SYNPR: variants seen among roughly 807,000 people sequenced by gnomAD.
SYNPR encodes the protein synaptoporin.
SYNPR carries 23 observed loss-of-function variants against 32.9 expected under a neutral mutation model. That is an observed-to-expected ratio of 0.70 (90% CI 0.50 to 0.99). The LOEUF (loss-of-function observed/expected upper bound fraction) is 0.99, where lower values mean the gene tolerates loss of function less well. Among genes scored for constraint, SYNPR ranks in the 50% least tolerant of loss-of-function variants. SYNPR has a pLI of 0.00. For synonymous variants in SYNPR, 146 were observed against 135.9 expected (o/e 1.07, Z -0.52); for missense variants, 318 against 349.3 (o/e 0.91, Z 0.71).
chr3:63,526,014 T>C (rs1170895650), intron 3 of SYNPR, among the ~76,000 whole-genome samples: 1 of 152,066 alleles, frequency 6.6e-6, no homozygotes, highest in Non-Finnish European at 1.5e-5. Flanking sequence ...CCAGTGTGCT[T>C]AGAGAGCACA....
chr3:63,365,503 T>C (rs566976812), intron 2 of SYNPR, among the ~76,000 whole-genome samples: 4 of 152,230 alleles, frequency 2.6e-5, no homozygotes, highest in Admixed American at 1.3e-4. Flanking sequence ...ATTTTAAATT[T>C]GGTTAATTAG....
At chr3:63,536,072 C>T (rs1045263585) in intron 3 of SYNPR, among the ~76,000 whole-genome samples, 1 of 151,824 alleles carries the variant, frequency 6.6e-6, no homozygotes, top group South Asian at 2.1e-4. Flanking sequence ...TCGAGACCAG[C>T]CTGCTCAACA....
At chr3:63,401,738 T>C (rs527895476) in intron 2 of SYNPR, among the ~76,000 whole-genome samples, 1 of 152,210 alleles carries the variant, frequency 6.6e-6, no homozygotes, top group East Asian at 1.9e-4. Flanking sequence ...GTATTCTTGA[T>C]GGACATCACT....
At chr3:63,530,684 G>T (rs1021273092) in intron 3 of SYNPR, among the ~76,000 whole-genome samples, 2 of 152,034 alleles carry the variant, frequency 1.3e-5, no homozygotes, top group Non-Finnish European at 2.9e-5. Context: ...CTCTGCGGTG[G>T]GCACTAATGG....
intron 2 of SYNPR, among the ~76,000 whole-genome samples, chr3:63,259,908 C>G (rs530536752): frequency 6.6e-6 from 1 of 152,312 alleles, no homozygotes; most frequent in Admixed American, 6.5e-5. Context: ...GTGAAAATCA[C>G]AAGCATTCTT....
At chr3:63,369,893 A>G (rs1252454473) in intron 2 of SYNPR, among the ~76,000 whole-genome samples, 1 of 152,184 alleles carries the variant, frequency 6.6e-6, no homozygotes, top group Non-Finnish European at 1.5e-5. Context: ...GACTAAGAAG[A>G]ATTTTCTTCC....
intron 3 of SYNPR, among the ~76,000 whole-genome samples, chr3:63,516,666 G>C (rs901070491): frequency 6.6e-6 from 1 of 152,044 alleles, no homozygotes; most frequent in Non-Finnish European, 1.5e-5. Flanking sequence ...TTCTCTATTT[G>C]ACACCAAAGA....
At chr3:63,281,880 T>C (rs570861090) in intron 2 of SYNPR, among the ~76,000 whole-genome samples, 6 of 152,338 alleles carry the variant, frequency 3.9e-5, no homozygotes, top group Admixed American at 2.6e-4. Flanking sequence ...AATATTATAT[T>C]GCCATCAAAA....
chr3:63,239,250 AT>A lies in SYNPR; in HGVS notation n.66+10871del, dbSNP rs147877668. 9.1e-3 allele frequency among the ~76,000 whole-genome samples: 1,067 copies of A among 117,360 alleles called. 6 individuals carry two copies. Among genetic ancestry groups the A allele is most frequent in the Non-Finnish European group, 0.015 (782 of 53,284 alleles). The allele number at this position is 117,360 out of a possible 152,430, so 77.0% of individuals were successfully genotyped here. On this transcript the variant is annotated intron_variant and non_coding_transcript_variant, in intron 1 of 4. Transcript: ENST00000478456. ...TGACCCTTGACTAGTAAAGTGTGAC[AT>A]GTGTCACACACACATCCTACCATTG...
intron 4 of SYNPR, among the ~76,000 whole-genome samples, chr3:63,581,686 T>C (rs1449836235): frequency 6.6e-6 from 1 of 151,816 alleles, no homozygotes; most frequent in East Asian, 1.9e-4. Context: ...CGGTCCTAAA[T>C]ACAAACCAAC....
intron 2 of SYNPR, among the ~76,000 whole-genome samples, chr3:63,259,895 T>C (rs2086422044): frequency 6.6e-6 from 1 of 152,172 alleles, no homozygotes; most frequent in African/African-American, 2.4e-5. Flanking sequence ...ACAAAATCAA[T>C]GTGTGAAAAT....
intron 2 of SYNPR, among the ~76,000 whole-genome samples, chr3:63,352,986 A>G (rs1275981963): frequency 6.6e-6 from 1 of 152,258 alleles, no homozygotes; most frequent in East Asian, 1.9e-4. Context: ...GAGTGGGGAC[A>G]GAGCTAAACC....
chr3:63,399,683 G>A (rs2088263438), intron 2 of SYNPR, among the ~76,000 whole-genome samples: 1 of 152,130 alleles, frequency 6.6e-6, no homozygotes, highest in Non-Finnish European at 1.5e-5. Flanking sequence ...ACCATAGCAG[G>A]TGGACCTTGC....
chr3:63,516,918 T>C (rs1181788235), intron 3 of SYNPR, among the ~76,000 whole-genome samples: 1 of 152,196 alleles, frequency 6.6e-6, no homozygotes, highest in East Asian at 1.9e-4. Context: ...AAAAATGTAA[T>C]ATATATTCAT....
intron 5 of SYNPR, among the ~76,000 whole-genome samples, chr3:63,614,490 A>T (rs1362411880): frequency 6.6e-6 from 1 of 152,192 alleles, no homozygotes; most frequent in Non-Finnish European, 1.5e-5. Flanking sequence ...GTTCTTAAGA[A>T]AATATTTTAT....
intron 2 of SYNPR, among the ~76,000 whole-genome samples, chr3:63,466,316 G>T (rs369117256): frequency 6.6e-6 from 1 of 151,750 alleles, no homozygotes; most frequent in Non-Finnish European, 1.5e-5. Context: ...AATAAACAAG[G>T]TGCTTCCCCT....
intron 3 of SYNPR, among the ~76,000 whole-genome samples, chr3:63,530,042 C>T (rs1702083049): frequency 1.3e-5 from 2 of 152,108 alleles, no homozygotes; most frequent in Admixed American, 1.3e-4. Context: ...TGCTGCTCCC[C>T]ACCCCTGCAC....
At chr3:63,550,057 G>A (rs908999435) in intron 3 of SYNPR, 38 of 152,038 alleles carry the variant, frequency 2.5e-4, no homozygotes, top group African/African-American at 8.7e-4. Flanking sequence ...AGGTTCTGTT[G>A]AATGACATGC....
chr3:63,255,934 G>C (rs1384961726), intron 2 of SYNPR, among the ~76,000 whole-genome samples: 1 of 152,222 alleles, frequency 6.6e-6, no homozygotes, highest in Admixed American at 6.5e-5. Context: ...GCCGCGCCTA[G>C]CTCAGAGGGT....
Sources: allele counts gnomAD v4.1 joint callset (sites outside exome capture counted in the v4.1 genomes callset), GRCh38; gene constraint gnomAD v4.1.1; transcripts MANE v1.5; gene names NCBI Gene and HGNC (gene_info 2026-07-23, HGNC 2026-07-21).